The following LRRC4B variants were observed in gnomAD, a reference collection of about 807,000 sequenced individuals.
The protein encoded by LRRC4B is leucine rich repeat containing 4B.
LRRC4B carries 1 observed loss-of-function variant against 7.3 expected under a neutral mutation model. The observed-to-expected ratio is 0.14, with a 90% CI of 0.05 to 0.65. The LOEUF (loss-of-function observed/expected upper bound fraction) is 0.65. Ranked by LOEUF, LRRC4B falls within the 30% of genes least tolerant of loss-of-function variation. The probability of loss-of-function intolerance (pLI) is 0.84; values close to 1 mark genes in which losing one functional copy is unlikely to be tolerated. For missense variants in LRRC4B, 730 were observed against 1,041.6 expected (o/e 0.70, Z 4.12); for synonymous variants, 500 against 499.2 (o/e 1.00, Z -0.02).
In LRRC4B at chr19:50,548,477, G is replaced by T. The variant is rs140900514; in HGVS notation, c.297+65C>A. On this transcript the variant is annotated intron_variant, in intron 2 of 2. Transcript: ENST00000652263. This position sits in a 1 kb window ranked among gnomAD's most constrained non-coding sequence, Gnocchi z 6.8. ...GTGTGGGGAGGCCCAGAAGGGATGG[G>T]CTACATCTGCATGCCTCCCCAGTGT... 3,989 of 1,536,002 alleles carry T rather than the reference G, an allele frequency of 2.6e-3. 111 individuals carry two copies. In the African/African-American group the frequency reaches 0.047, roughly 18 times the overall value.
Position 50,518,952 on chromosome 19 carries a change from C to T in LRRC4B, c.761G>A (p.Ser254Asn). The T allele has an allele frequency of 1.2e-6, 2 of 1,613,886 alleles. No homozygotes were observed. The highest frequency in any genetic ancestry group is 1.7e-6 in the Non-Finnish European group (2 of 1,179,964). ...GTGCATGAGCCACAGCTTGCGCAGG[C>T]TGGTGAGACCCTGGAAGGAGCCCGG... The part of the protein sequence containing the change: ...IRPGSFQGLT[S>N]LRKLWLMHAQ... The change falls in exon 3 of 3, where the codon AGC becomes AAC. Residue 254 changes from serine to asparagine, a missense_variant. This residue lies in a region of LRRC4B where 226 missense variants were observed against 448.0 expected (regional missense o/e 0.50). Coordinates refer to ENST00000652263, the MANE Select transcript of LRRC4B (RefSeq NM_001080457.2).
intron 1 of LRRC4B, among the ~76,000 whole-genome samples, chr19:50,549,761 G>C (rs1204420922): frequency 6.6e-6 from 1 of 152,210 alleles, no homozygotes; most frequent in Non-Finnish European, 1.5e-5. Flanking sequence ...GCCACCAGCT[G>C]CACCCCCTCC....
intron 1 of LRRC4B, among the ~76,000 whole-genome samples, chr19:50,554,858 AG>A (rs1244702260): frequency 1.3e-5 from 2 of 152,150 alleles, no homozygotes; most frequent in African/African-American, 4.8e-5. Context: ...GGCCCCTCCT[AG>A]GTCAGCCTTG....
In LRRC4B at chr19:50,553,899, G is replaced by A. The variant is rs1408869687; in HGVS notation, c.-35-5026C>T. On this transcript the variant is annotated intron_variant, in intron 1 of 2. Coordinates refer to ENST00000652263, the MANE Select transcript of LRRC4B (RefSeq NM_001080457.2). This position sits in a 1 kb window ranked among gnomAD's most constrained non-coding sequence, Gnocchi z 4.2. ...TCTGCACACCGAGCCAGGCCGCACT[G>A]CAATAGCTGCACAATGCAGGCTCCC... Among the ~76,000 whole-genome samples, 1 of 151,558 alleles carries A rather than the reference G, an allele frequency of 6.6e-6. No individual in the cohort carries two copies. The highest frequency in any genetic ancestry group is 1.5e-5 in the Non-Finnish European group (1 of 67,966).
intron 1 of LRRC4B, among the ~76,000 whole-genome samples, chr19:50,561,991 G>A (rs1054711798): frequency 9.0e-6 from 1 of 111,348 alleles, no homozygotes; most frequent in East Asian, 2.0e-4. Context: ...AGTGATGCGT[G>A]CCTGTAGTCT....
intron 2 of LRRC4B, among the ~76,000 whole-genome samples, chr19:50,526,106 C>T (rs78935767): frequency 0.012 from 1,780 of 152,242 alleles, 40 homozygotes; most frequent in African/African-American, 0.041. Flanking sequence ...CAGGACTGCC[C>T]GTCAGTCCCA....
rs1982161325 is a variant in LRRC4B at position 50,553,221 on chromosome 19, C to G, written c.-35-4348G>C. Reference sequence around the variant, plus strand: ...GTCCTCCCCTCCAGCCTCCCCATTTCTGCCTTCACCCCCACTCCCCGTGCG... The same window carrying G: ...GTCCTCCCCTCCAGCCTCCCCATTTGTGCCTTCACCCCCACTCCCCGTGCG... On this transcript the variant is annotated intron_variant, in intron 1 of 2. Transcript: ENST00000652263. This position sits in a 1 kb window ranked among gnomAD's most constrained non-coding sequence, Gnocchi z 4.2. Among the ~76,000 whole-genome samples the G allele has an allele frequency of 6.6e-6, 1 of 152,182 alleles. No individual in the cohort carries two copies.
At position 50,563,236 on chromosome 19, in the gene LRRC4B, C is replaced by T. The variant is rs778525526; in HGVS notation, c.-36+4708G>A. 2.2e-4 allele frequency among the ~76,000 whole-genome samples: 33 copies of T among 152,098 alleles called. No homozygotes were observed. The highest frequency in any genetic ancestry group is 4.7e-4 in the Non-Finnish European group (32 of 68,014). ...TCTGCCTGCCATGACAACAGTTGCGCGTGGGTTTCCAGGCAACAAGGGGCA... is the reference window on the plus strand; with the variant it reads ...TCTGCCTGCCATGACAACAGTTGCGTGTGGGTTTCCAGGCAACAAGGGGCA... On this transcript the variant is annotated intron_variant, in intron 1 of 2. Coordinates refer to ENST00000652263, the MANE Select transcript of LRRC4B (RefSeq NM_001080457.2). This position sits in a 1 kb window ranked among gnomAD's most constrained non-coding sequence, Gnocchi z 4.9.
Position 50,519,178 on chromosome 19 carries a change from T to C in LRRC4B, c.535A>G (p.Asn179Asp). The C allele has an allele frequency of 6.2e-7, 1 of 1,613,482 alleles. No homozygotes were observed. The highest frequency in any genetic ancestry group is 8.5e-7 in the Non-Finnish European group (1 of 1,179,942). Residue 179 changes from asparagine to aspartate, a missense_variant, in exon 3 of 3, where the codon AAC becomes GAC. By Grantham distance (23) the Asn-to-Asp change is conservative. Coordinates refer to ENST00000652263, the MANE Select transcript of LRRC4B (RefSeq NM_001080457.2). The surrounding 1 kb of genome is among the most constrained non-coding windows in gnomAD (Gnocchi z 8.1). ...PIESIPSYAF[N>D]RVPSLRRLDL... ...AGGCGCCGCAGCGAGGGCACGCGGT[T>C]GAAGGCGTAGGAGGGGATGCTCTCG...
chr19:50,527,730 T>C (rs368875697), intron 2 of LRRC4B, among the ~76,000 whole-genome samples: 16 of 134,552 alleles, frequency 1.2e-4, no homozygotes, highest in East Asian at 7.6e-4. Context: ...CCCTCCCTCT[T>C]TCTCTCTTTC....
At chr19:50,551,832 C>T (rs996777973) in intron 1 of LRRC4B, among the ~76,000 whole-genome samples, 1 of 151,772 alleles carries the variant, frequency 6.6e-6, no homozygotes, top group Non-Finnish European at 1.5e-5. Flanking sequence ...CACGGCAGTG[C>T]AGAGCCAAGC....
At chr19:50,559,701 C>T (rs1342454577) in intron 1 of LRRC4B, among the ~76,000 whole-genome samples, 1 of 152,262 alleles carries the variant, frequency 6.6e-6, no homozygotes, top group Non-Finnish European at 1.5e-5. Context: ...GATCTGTTTT[C>T]TCTCACAGGG....
At chr19:50,559,636 C>T (rs1018730328) in intron 1 of LRRC4B, among the ~76,000 whole-genome samples, 25 of 152,292 alleles carry the variant, frequency 1.6e-4, no homozygotes, top group African/African-American at 4.1e-4. Flanking sequence ...TTGGGAGGGG[C>T]GTGGCCCCCG....
chr19:50,550,717 G>A (rs542203007), intron 1 of LRRC4B, among the ~76,000 whole-genome samples: 1 of 152,290 alleles, frequency 6.6e-6, no homozygotes, highest in South Asian at 2.1e-4. Context: ...GGGAGAGAAA[G>A]AGAGAGAGGT....
At chr19:50,541,190 A>G (rs1415220768) in intron 2 of LRRC4B, among the ~76,000 whole-genome samples, 5 of 150,270 alleles carry the variant, frequency 3.3e-5, no homozygotes, top group Non-Finnish European at 7.4e-5. Flanking sequence ...TCTCAAAAAA[A>G]AAAAGAAAAG....
intron 2 of LRRC4B, among the ~76,000 whole-genome samples, chr19:50,524,783 C>T (rs574752033): frequency 2.0e-4 from 31 of 152,304 alleles, no homozygotes; most frequent in African/African-American, 6.7e-4. Flanking sequence ...CCAGGGCGTC[C>T]AGGGCACCTC....
chr19:50,527,222 T>C (rs539177830), intron 2 of LRRC4B, among the ~76,000 whole-genome samples: 2 of 151,774 alleles, frequency 1.3e-5, no homozygotes, highest in East Asian at 1.9e-4. Flanking sequence ...TTAGTAGAGA[T>C]GGGGTTTCAC....
In LRRC4B at chr19:50,517,802, G is replaced by A. The variant is rs766803841; in HGVS notation, c.1911C>T (p.Ala637=). ...CGCCCACACCACCCCCACTGGCCAC[G>A]GCGGCCGCGGCGGCCACGGACACGG... ...ASAVSVAAAA[A]VASGGGVGGD... The change falls in exon 3 of 3, where the codon GCC becomes GCT. Residue 637 remains alanine (A), a synonymous_variant. Transcript: ENST00000652263. This position sits in a 1 kb window ranked among gnomAD's most constrained non-coding sequence, Gnocchi z 6.6. The A allele has an allele frequency of 1.1e-5, 17 of 1,538,438 alleles. No homozygotes were observed. Among genetic ancestry groups the A allele is most frequent in the African/African-American group, 1.4e-5 (1 of 71,380 alleles).
chr19:50,565,422 C>T (rs900439846), intron 1 of LRRC4B, among the ~76,000 whole-genome samples: 4 of 152,220 alleles, frequency 2.6e-5, no homozygotes, highest in African/African-American at 7.2e-5. Flanking sequence ...TGCTCCCTGT[C>T]TCTCCTGACC....
Sources: allele counts gnomAD v4.1 joint callset (sites outside exome capture counted in the v4.1 genomes callset), GRCh38; gene constraint gnomAD v4.1.1; regional missense constraint gnomAD v4.1.1; non-coding constraint Gnocchi (gnomAD v3.1); transcripts MANE v1.5; gene names NCBI Gene and HGNC (gene_info 2026-07-23, HGNC 2026-07-21).